CNTNAP3B: variants seen among roughly 807,000 people sequenced by gnomAD.
CNTNAP3B encodes the protein contactin associated protein family member 3B.
In CNTNAP3B, 25 loss-of-function variants were observed where a neutral mutation model predicts 108.9. The observed-to-expected ratio is 0.23, with a 90% CI of 0.17 to 0.32. The LOEUF is 0.32. Among genes scored for constraint, CNTNAP3B ranks in the 10% least tolerant of loss-of-function variants. The pLI, the probability that CNTNAP3B is intolerant of heterozygous loss-of-function variation, is 1.00. For missense variants in CNTNAP3B, 252 were observed against 1,210.4 expected, an observed-to-expected ratio of 0.21 and a Z score of 11.75; for synonymous variants, 103 against 473.4, an observed-to-expected ratio of 0.22 and a Z score of 10.16.
At chr9:42,088,557 T>C (rs2118657483) in intron 2 of CNTNAP3B, among the ~76,000 whole-genome samples, 1 of 139,702 alleles carries the variant, frequency 7.2e-6, no homozygotes, top group East Asian at 2.2e-4. Context: ...AATCTACATA[T>C]TTCTTCAATC....
At chr9:42,042,524 C>A (rs1289113472) in intron 3 of CNTNAP3B, among the ~76,000 whole-genome samples, 4 of 137,978 alleles carry the variant, frequency 2.9e-5, no homozygotes, top group Non-Finnish European at 4.6e-5. Context: ...GTTGAACATG[C>A]ACAACCATTT....
intron 2 of CNTNAP3B, among the ~76,000 whole-genome samples, chr9:42,101,830 G>A (rs937644556): frequency 8.1e-6 from 1 of 124,022 alleles, no homozygotes; most frequent in African/African-American, 3.3e-5. Flanking sequence ...AGGCCGAGGT[G>A]GGCATACCAC....
chr9:42,015,566 A>G lies in CNTNAP3B; in HGVS notation c.391-2041T>C, dbSNP rs1194559091. Among the ~76,000 whole-genome samples, 2 of 85,112 alleles carry G rather than the reference A, an allele frequency of 2.3e-5. 1 individual carries two copies. The highest frequency in any genetic ancestry group is 4.8e-5 in the Non-Finnish European group (2 of 41,688). 55.8% of individuals were successfully genotyped at this position (85,112 alleles called of 152,430 possible). The stretch of plus-strand genomic sequence containing the variant: ...TTCTTCATCTGTAAAACTGATCTTG[A>G]AGGGCCAGAGTACTAATTGAGATAA... On this transcript the variant is annotated intron_variant, in intron 3 of 23. Coordinates refer to ENST00000377561, the MANE Select transcript of CNTNAP3B (RefSeq NM_001201380.3).
chr9:41,924,864 CT>C (rs1479653989), intron 15 of CNTNAP3B, among the ~76,000 whole-genome samples: 2 of 152,276 alleles, frequency 1.3e-5, no homozygotes, highest in Admixed American at 6.5e-5. Flanking sequence ...GTACTTTTGA[CT>C]TTTTGGTATT....
intron 3 of CNTNAP3B, among the ~76,000 whole-genome samples, chr9:42,071,049 ATAT>A (rs1186521631): frequency 6.7e-6 from 1 of 149,382 alleles, no homozygotes; most frequent in Non-Finnish European, 1.5e-5. Context: ...AAGTCCAATA[ATAT>A]TATTCAGAGA....
At chr9:42,036,380 AC>A (rs1826631105) in intron 3 of CNTNAP3B, among the ~76,000 whole-genome samples, 1 of 140,524 alleles carries the variant, frequency 7.1e-6, no homozygotes, top group Non-Finnish European at 1.5e-5. Context: ...TGCACAGTGC[AC>A]GTTTTCTCCA....
At chr9:41,952,917 G>C (rs1356162395) in intron 13 of CNTNAP3B, among the ~76,000 whole-genome samples, 3 of 151,956 alleles carry the variant, frequency 2.0e-5, no homozygotes, top group African/African-American at 7.3e-5. Context: ...TAAGGCATAA[G>C]TTATTAGCAA....
intron 14 of CNTNAP3B, among the ~76,000 whole-genome samples, chr9:41,931,488 G>T (rs1425612697): frequency 1.3e-5 from 2 of 152,274 alleles, no homozygotes; most frequent in African/African-American, 2.4e-5. Context: ...TTTCAAATTG[G>T]AAAATATAAA....
intron 2 of CNTNAP3B, among the ~76,000 whole-genome samples, chr9:42,089,785 T>C (rs1827779067): frequency 7.0e-6 from 1 of 143,338 alleles, no homozygotes; most frequent in Non-Finnish European, 1.5e-5. Flanking sequence ...TTGCTCTGTG[T>C]TTGCAGTTTA....
intron 2 of CNTNAP3B, among the ~76,000 whole-genome samples, chr9:42,081,289 G>C (rs1230658561): frequency 6.7e-6 from 1 of 148,350 alleles, no homozygotes. Flanking sequence ...GTACCACAGT[G>C]AAGATGCTGA....
In CNTNAP3B at chr9:41,923,548, G is replaced by A. The variant is rs1481662308; in HGVS notation, c.2536+375C>T. Reference sequence around the variant, plus strand: ...AACCCGAGGCAGGCGGATCACTTGAGGCCAGGAGTTGAAGACCAGCCTGGT... The same window carrying A: ...AACCCGAGGCAGGCGGATCACTTGAAGCCAGGAGTTGAAGACCAGCCTGGT... On this transcript the variant is annotated intron_variant, in intron 16 of 23. Transcript: ENST00000377561. Among the ~76,000 whole-genome samples the A allele has an allele frequency of 4.6e-5, 7 of 152,400 alleles. No homozygotes were observed. In the East Asian group the frequency reaches 1.2e-3, roughly 25 times the overall value.
intron 10 of CNTNAP3B, among the ~76,000 whole-genome samples, chr9:41,966,543 C>T (rs867258602): frequency 2.7e-3 from 408 of 151,508 alleles, no homozygotes; most frequent in Middle Eastern, 0.01. Context: ...GAGGAGGTGA[C>T]AGAGGCCTCC....
chr9:41,958,347 T>C (rs1194832517), intron 12 of CNTNAP3B, among the ~76,000 whole-genome samples: 2 of 152,302 alleles, frequency 1.3e-5, no homozygotes, highest in African/African-American at 2.4e-5. Context: ...GGGGTCTCAC[T>C]GTGTTGCCCA....
rs535233489 is a variant in CNTNAP3B, at chr9:42,036,713, C to T, written c.391-23188G>A. On this transcript the variant is annotated intron_variant, in intron 3 of 23. Transcript: ENST00000377561. Reference sequence around the variant, plus strand: ...GAAGAGAGTAGTGGTTCTCCCAGCACGGAATTTGAGATCTGAGAATGTACA... The same window carrying T: ...GAAGAGAGTAGTGGTTCTCCCAGCATGGAATTTGAGATCTGAGAATGTACA... Among the ~76,000 whole-genome samples the T allele has an allele frequency of 2.2e-4, 30 of 138,320 alleles. 2 individuals are homozygous for T. The highest frequency in any genetic ancestry group is 3.7e-4 in the Non-Finnish European group (24 of 64,770). 90.7% of individuals were successfully genotyped at this position (138,320 alleles called of 152,430 possible). A position where few individuals can be genotyped will look rare whatever the true frequency, so the allele number is the denominator to read the frequency against.
intron 1 of CNTNAP3B, among the ~76,000 whole-genome samples, chr9:42,121,902 T>C (rs1341733510): frequency 7.1e-6 from 1 of 140,208 alleles, no homozygotes; most frequent in Non-Finnish European, 1.5e-5. Context: ...GGCAGAAGAC[T>C]CCTGGGTCAA....
chr9:41,929,438 A>T lies in CNTNAP3B; in HGVS notation c.2244T>A (p.Ser748Arg), dbSNP rs1487903069. The stretch of plus-strand genomic sequence containing the variant: ...CCTTTTGGGAAAGGACTATTGTGTC[A>T]CTAGTCCTAAAGAACAACAACCGAA... ...NCDAGQNEWTSDTIVLSQKEH... is the reference protein window; with the variant it reads ...NCDAGQNEWTRDTIVLSQKEH... The change falls in exon 15 of 24, where the codon AGT (serine) becomes AGA (arginine). Residue 748 changes from serine (S) to arginine (R), a missense_variant. By Grantham distance (110) the Ser-to-Arg change is moderately radical (BLOSUM62 -1). Transcript: ENST00000377561. 5 of 1,530,174 alleles carry T rather than the reference A, an allele frequency of 3.3e-6. 1 individual carries two copies. Among genetic ancestry groups the T allele is most frequent in the East Asian group, 2.3e-5 (1 of 42,888 alleles). 94.8% of individuals were successfully genotyped at this position (1,530,174 alleles called of 1,614,324 possible). A position where few individuals can be genotyped will look rare whatever the true frequency, so the allele number is the denominator to read the frequency against.
At chr9:41,934,100 C>CATATACATATAT (rs1824066635) in intron 14 of CNTNAP3B, among the ~76,000 whole-genome samples, 2 of 90,212 alleles carry the variant, frequency 2.2e-5, no homozygotes, top group East Asian at 5.8e-4. Context: ...ATATTTGTTA[C>CATATACATATAT]ATATATATAT....
intron 1 of CNTNAP3B, among the ~76,000 whole-genome samples, chr9:42,128,327 C>T (rs1226933858): frequency 7.2e-6 from 1 of 138,514 alleles, no homozygotes. Context: ...ACAGGGAACC[C>T]GATGGCAAAT....
intron 4 of CNTNAP3B, among the ~76,000 whole-genome samples, chr9:41,999,611 C>A (rs1163568054): frequency 9.0e-6 from 1 of 110,812 alleles, no homozygotes; most frequent in African/African-American, 4.0e-5. Context: ...CTGGAGAGCC[C>A]TGACTGACAA....
Sources: allele counts gnomAD v4.1 joint callset (sites outside exome capture counted in the v4.1 genomes callset), GRCh38; gene constraint gnomAD v4.1.1; transcripts MANE v1.5; gene names NCBI Gene and HGNC (gene_info 2026-07-23, HGNC 2026-07-21).